The following MTHFD2L variants were observed in gnomAD, a reference collection of about 807,000 sequenced individuals.
MTHFD2L encodes bifunctional methylenetetrahydrofolate dehydrogenase/cyclohydrolase 2, mitochondrial.
Under a neutral mutation model 34.9 loss-of-function variants are expected in MTHFD2L, and 29 were observed. That is an observed-to-expected ratio of 0.83 (90% CI 0.62 to 1.13). The LOEUF (loss-of-function observed/expected upper bound fraction) is 1.13, where lower values mean the gene tolerates loss of function less well. MTHFD2L is among the 50% of genes most tolerant of loss of function. The pLI, the probability that MTHFD2L is intolerant of heterozygous loss-of-function variation, is 0.00. For synonymous variants in MTHFD2L, 167 were observed against 155.7 expected (o/e 1.07, Z -0.54); for missense variants, 481 against 446.5 (o/e 1.08, Z -0.70).
rs572493546 is a variant in MTHFD2L, at chr4:74,252,035, A to G, written c.805+26641A>G. Among the ~76,000 whole-genome samples the G allele has an allele frequency of 3.3e-5, 5 of 152,326 alleles. No individual in the cohort carries two copies. In the South Asian group the frequency reaches 6.2e-4, roughly 19 times the overall value. On this transcript the variant is annotated intron_variant, in intron 6 of 7. Coordinates refer to ENST00000325278, the MANE Select transcript of MTHFD2L (RefSeq NM_001144978.3). ...CTTGGAAAAAGCATTCTTTATGCCC[A>G]CACAAGTTGGGCATATAGCTGAGAG...
At chr4:74,125,777 C>A (rs73827544) in intron 1 of MTHFD2L, among the ~76,000 whole-genome samples, 1 of 151,816 alleles carries the variant, frequency 6.6e-6, no homozygotes, top group Non-Finnish European at 1.5e-5. Flanking sequence ...AAAAGCATAA[C>A]AAAATTTGTT....
At chr4:74,243,159 A>G (rs987040577) in intron 6 of MTHFD2L, among the ~76,000 whole-genome samples, 1 of 152,240 alleles carries the variant, frequency 6.6e-6, no homozygotes, top group Non-Finnish European at 1.5e-5. Flanking sequence ...CAGCTGCCAT[A>G]TGCTTTTTAA....
In MTHFD2L at chr4:74,281,494, A is replaced by C. The variant is rs1747474870; in HGVS notation, c.875A>C (p.Tyr292Ser). 2 of 1,612,672 alleles carry C rather than the reference A, an allele frequency of 1.2e-6. No individual in the cohort carries two copies. Among genetic ancestry groups the C allele is most frequent in the Non-Finnish European group, 1.7e-6 (2 of 1,179,208 alleles). Residue 292 changes from tyrosine (Y) to serine (S), a missense_variant, in exon 7 of 8, where the codon TAT becomes TCT. Physicochemically the swap from Tyr to Ser is moderately radical, Grantham distance 144. Coordinates refer to ENST00000325278, the MANE Select transcript of MTHFD2L (RefSeq NM_001144978.3). ...GCTGTAATTGATGTGGGTATCAACT[A>C]TGTCCACGATCCAGTGACAGGAAAG... is the stretch of plus-strand genomic sequence containing the variant. Reference protein sequence around the residue: ...GAAVIDVGINYVHDPVTGKTK... With the variant: ...GAAVIDVGINSVHDPVTGKTK...
intron 2 of MTHFD2L, among the ~76,000 whole-genome samples, chr4:74,118,200 A>T (rs1201691345): frequency 6.6e-6 from 1 of 152,200 alleles, no homozygotes; most frequent in African/African-American, 2.4e-5. Context: ...GATATCAAAA[A>T]CTAAACACTT....
chr4:74,258,114 C>A lies in MTHFD2L; in HGVS notation c.806-23311C>A, dbSNP rs370770734. ...TAGCAAGGATGTGGAGAAAAGAAAT[C>A]CTTGTTCTGTTAGTTTAAATGTAAA... On this transcript the variant is annotated intron_variant, in intron 6 of 7. Transcript: ENST00000325278. Among the ~76,000 whole-genome samples the A allele has an allele frequency of 2.0e-4, 31 of 152,022 alleles. No individual in the cohort carries two copies. In the East Asian group the frequency reaches 5.2e-3, roughly 26 times the overall value.
chr4:74,214,825 G>C (rs541959737), intron 5 of MTHFD2L, among the ~76,000 whole-genome samples: 11 of 151,820 alleles, frequency 7.2e-5, no homozygotes, highest in Non-Finnish European at 1.5e-4. Context: ...CTTCCCCCAG[G>C]TGCTCTGTCC....
At chr4:74,238,110 T>C (rs1454769919) in intron 6 of MTHFD2L, among the ~76,000 whole-genome samples, 1 of 152,138 alleles carries the variant, frequency 6.6e-6, no homozygotes, top group Non-Finnish European at 1.5e-5. Context: ...CCTAGGAAAA[T>C]TGATATTTAA....
chr4:74,141,174 C>T (rs1008968758), intron 1 of MTHFD2L, among the ~76,000 whole-genome samples: 1 of 152,098 alleles, frequency 6.6e-6, no homozygotes, highest in African/African-American at 2.4e-5. Flanking sequence ...TACTGGTGCT[C>T]TAAGTAATAA....
At chr4:74,217,827 AT>A (rs1238909173) in intron 5 of MTHFD2L, among the ~76,000 whole-genome samples, 2 of 149,064 alleles carry the variant, frequency 1.3e-5, no homozygotes, top group South Asian at 2.1e-4. Context: ...CTCTCCTCAT[AT>A]TTTTTTGGAA....
intron 6 of MTHFD2L, among the ~76,000 whole-genome samples, chr4:74,277,545 A>G (rs978442541): frequency 6.6e-6 from 1 of 152,056 alleles, no homozygotes; most frequent in African/African-American, 2.4e-5. Context: ...TCCTACAACT[A>G]ACCTTCCCAG....
chr4:74,197,436 A>G (rs1210027045), intron 3 of MTHFD2L, among the ~76,000 whole-genome samples: 1 of 152,194 alleles, frequency 6.6e-6, no homozygotes, highest in Non-Finnish European at 1.5e-5. Context: ...TGCTTAGACA[A>G]GTATTACTTA....
intron 3 of MTHFD2L, among the ~76,000 whole-genome samples, chr4:74,177,644 C>A (rs928876462): frequency 3.3e-5 from 5 of 151,862 alleles, no homozygotes; most frequent in African/African-American, 4.8e-5. Context: ...TTGCTCACTG[C>A]TGTTTAGAAT....
rs557571896 is a variant in MTHFD2L, at chr4:74,220,107, A to G, written c.713-5195A>G. On this transcript the variant is annotated intron_variant, in intron 5 of 7. Coordinates refer to ENST00000325278, the MANE Select transcript of MTHFD2L (RefSeq NM_001144978.3). Reference sequence around the variant, plus strand: ...TTTGGTTTTGATTTTTTTTTTTGGTAGGGATTTGGGAGGCTCTCATTTGGA... The same window carrying G: ...TTTGGTTTTGATTTTTTTTTTTGGTGGGGATTTGGGAGGCTCTCATTTGGA... Among the ~76,000 whole-genome samples the G allele has an allele frequency of 3.4e-4, 49 of 145,736 alleles. 1 individual carries two copies. Among genetic ancestry groups the G allele is most frequent in the Non-Finnish European group, 6.6e-4 (44 of 66,284 alleles).
At chr4:74,213,021 CT>C (rs963250765) in intron 5 of MTHFD2L, among the ~76,000 whole-genome samples, 143 of 143,566 alleles carry the variant, frequency 1.0e-3, no homozygotes, top group Admixed American at 9.8e-4. Context: ...GCAACCCCTG[CT>C]TTTTTTTTTT....
intron 6 of MTHFD2L, among the ~76,000 whole-genome samples, chr4:74,248,968 G>C (rs543781404): frequency 2.0e-5 from 3 of 151,854 alleles, no homozygotes; most frequent in African/African-American, 7.2e-5. Context: ...TTGATTTGGG[G>C]TGGAGAGTTC....
chr4:74,212,567 T>C (rs1462646495), intron 5 of MTHFD2L, among the ~76,000 whole-genome samples: 4 of 152,210 alleles, frequency 2.6e-5, no homozygotes, highest in Admixed American at 6.5e-5. Flanking sequence ...TACAGTTTTT[T>C]ATGATTTCCA....
At chr4:74,274,138 C>T (rs1290205671) in intron 6 of MTHFD2L, among the ~76,000 whole-genome samples, 1 of 152,062 alleles carries the variant, frequency 6.6e-6, no homozygotes, top group Non-Finnish European at 1.5e-5. Flanking sequence ...AGGCATAAGC[C>T]ACTACACCCA....
intron 6 of MTHFD2L, chr4:74,266,852 G>A (rs764174806): frequency 1.2e-5 from 12 of 985,144 alleles, no homozygotes; most frequent in Non-Finnish European, 1.4e-5. Flanking sequence ...CATAAGAGGG[G>A]AATACTAGGG....
intron 1 of MTHFD2L, among the ~76,000 whole-genome samples, chr4:74,146,313 A>G (rs539077104): frequency 1.8e-4 from 27 of 152,296 alleles, no homozygotes; most frequent in Non-Finnish European, 3.1e-4. Context: ...TATGACTCCT[A>G]AGTTATTAAA....
Sources: allele counts gnomAD v4.1 joint callset (sites outside exome capture counted in the v4.1 genomes callset), GRCh38; gene constraint gnomAD v4.1.1; transcripts MANE v1.5; gene names NCBI Gene and HGNC (gene_info 2026-07-23, HGNC 2026-07-21).